Variants in GRID2IP observed in about 807,000 individuals in gnomAD.
GRID2IP encodes the protein delphilin.
GRID2IP carries 78 observed loss-of-function variants against 114.3 expected under a neutral mutation model. The observed-to-expected ratio is 0.68, with a 90% CI of 0.57 to 0.82. The LOEUF is 0.82. GRID2IP is among the 40% of genes least tolerant of loss of function. The pLI is 0.00. For synonymous variants in GRID2IP, 809 were observed against 724.0 expected (o/e 1.12, Z -1.89); for missense variants, 1,727 against 1,678.5 (o/e 1.03, Z -0.51).
intron 8 of GRID2IP, among the ~76,000 whole-genome samples, chr7:6,512,556 G>T (rs1779197404): frequency 6.6e-6 from 1 of 151,562 alleles, no homozygotes; most frequent in South Asian, 2.1e-4. Flanking sequence ...TGTTGCCCAG[G>T]TTGGAGTGTA....
At chr7:6,527,719 C>T (rs1779541771) in intron 2 of GRID2IP, among the ~76,000 whole-genome samples, 1 of 152,016 alleles carries the variant, frequency 6.6e-6, no homozygotes, top group Non-Finnish European at 1.5e-5. Flanking sequence ...CTGCCTCAGC[C>T]TCCCTTGTAG....
intron 20 of GRID2IP, among the ~76,000 whole-genome samples, chr7:6,501,233 C>A (rs1365300636): frequency 1.3e-5 from 2 of 152,214 alleles, no homozygotes; most frequent in East Asian, 3.9e-4. Flanking sequence ...TGCCTGTAAT[C>A]CCAGCTACTT....
In GRID2IP at chr7:6,536,681, G is replaced by A; in HGVS notation, c.584+3037C>T. ...CGCTGGCCCATCCCTGGTGGGGAGG[G>A]GCGGGACGGGGGGCTGCCTGTCAAT... is the stretch of plus-strand genomic sequence containing the variant. On this transcript the variant is annotated intron_variant, in intron 2 of 21. Coordinates refer to ENST00000457091, the MANE Select transcript of GRID2IP (RefSeq NM_001145118.2). The surrounding 1 kb of genome is among the most constrained non-coding windows in gnomAD (Gnocchi z 5.3). The A allele has an allele frequency of 1.5e-6, 1 of 650,670 alleles. No individual in the cohort carries two copies. Among genetic ancestry groups the A allele is most frequent in the Non-Finnish European group, 2.8e-6 (1 of 352,640 alleles). The allele number at this position is 650,670 out of a possible 1,614,324, so 40.3% of individuals were successfully genotyped here. A position where few individuals can be genotyped will look rare whatever the true frequency, so the allele number is the denominator to read the frequency against.
rs1779524709 is a variant in GRID2IP at position 6,526,885 on chromosome 7, G to A, written c.585-116C>T. ...CCTAGGCTCTCCCACCTCTTCCTAG[G>A]AGTGGCGGAGGGCTGGGGGGATCGG... is the stretch of plus-strand genomic sequence containing the variant. On this transcript the variant is annotated intron_variant, in intron 2 of 21. Transcript: ENST00000457091. This position sits in a 1 kb window ranked among gnomAD's most constrained non-coding sequence, Gnocchi z 7.6. 3.4e-6 allele frequency: 4 copies of A among 1,181,260 alleles called. No homozygotes were observed. The highest frequency in any genetic ancestry group is 1.6e-5 in the African/African-American group (1 of 61,560). 73.2% of individuals were successfully genotyped at this position (1,181,260 alleles called of 1,614,324 possible).
At position 6,507,110 on chromosome 7, in the gene GRID2IP, G is replaced by A. The variant is rs1403852298; in HGVS notation, c.2544+875C>T. Among the ~76,000 whole-genome samples the A allele has an allele frequency of 6.6e-6, 1 of 152,228 alleles. No homozygotes were observed. On this transcript the variant is annotated intron_variant, in intron 13 of 21. Transcript: ENST00000457091. The surrounding 1 kb of genome is among the most constrained non-coding windows in gnomAD (Gnocchi z 5.3). ...TCACAAGCATGCCTCTGCCCAGTGTGACTACATGTGAGAGTGAGCTATTGA... is the reference window on the plus strand; with the variant it reads ...TCACAAGCATGCCTCTGCCCAGTGTAACTACATGTGAGAGTGAGCTATTGA...
intron 2 of GRID2IP, among the ~76,000 whole-genome samples, chr7:6,529,150 A>T (rs1779569684): frequency 6.6e-6 from 1 of 152,156 alleles, no homozygotes; most frequent in Non-Finnish European, 1.5e-5. Context: ...TTCCAGCAGC[A>T]ACTAGAAAAG....
intron 2 of GRID2IP, chr7:6,531,166 G>A: frequency 2.1e-6 from 1 of 486,344 alleles, no homozygotes; most frequent in South Asian, 3.0e-5. Context: ...CCCAGGAATG[G>A]AGCGAGCGCG....
Position 6,526,206 on chromosome 7 carries a change from A to G in GRID2IP, c.919+18T>C, listed in dbSNP as rs373777330. On this transcript the variant is annotated intron_variant, in intron 4 of 21. Transcript: ENST00000457091. The surrounding 1 kb of genome is among the most constrained non-coding windows in gnomAD (Gnocchi z 7.6). Reference sequence around the variant, plus strand: ...CCTGGGCCTTAGGGACTCTTAGGGCAACCGGCCCACCCCTCACCAGGCAGG... The same window carrying G: ...CCTGGGCCTTAGGGACTCTTAGGGCGACCGGCCCACCCCTCACCAGGCAGG... 1.4e-5 allele frequency: 22 copies of G among 1,549,814 alleles called. No individual in the cohort carries two copies. In the East Asian group the frequency reaches 2.9e-4, roughly 21 times the overall value.
rs940445045 is a variant in GRID2IP at position 6,521,293 on chromosome 7, C to G, written c.1084+136G>C. 7 of 621,236 alleles carry G rather than the reference C, an allele frequency of 1.1e-5. No individual in the cohort carries two copies. The highest frequency in any genetic ancestry group is 1.7e-5 in the Non-Finnish European group (6 of 354,118). 38.5% of individuals were successfully genotyped at this position (621,236 alleles called of 1,614,324 possible). ...GCCTCACTGGGGTTCTATAGCACCA[C>G]TTAGGAGGCAGCCCCGGGGAGGCAA... is the stretch of plus-strand genomic sequence containing the variant. On this transcript the variant is annotated intron_variant, in intron 6 of 21. Coordinates refer to ENST00000457091, the MANE Select transcript of GRID2IP (RefSeq NM_001145118.2). This position sits in a 1 kb window ranked among gnomAD's most constrained non-coding sequence, Gnocchi z 4.1.
chr7:6,540,133 A>G (rs1779791285), intron 1 of GRID2IP, among the ~76,000 whole-genome samples: 1 of 100,374 alleles, frequency 1.0e-5, no homozygotes, highest in African/African-American at 3.9e-5. Flanking sequence ...TTTCTTTTTG[A>G]GACGGAGTTT....
At position 6,521,417 on chromosome 7, in the gene GRID2IP, T is replaced by C; in HGVS notation, c.1084+12A>G. On this transcript the variant is annotated intron_variant, in intron 6 of 21. Coordinates refer to ENST00000457091, the MANE Select transcript of GRID2IP (RefSeq NM_001145118.2). The surrounding 1 kb of genome is among the most constrained non-coding windows in gnomAD (Gnocchi z 4.1). ...GGGGGCCAAGGAAGCCAAGTGTCCA[T>C]GGGGGTCTCACCACTGGCAAATGGG... The C allele has an allele frequency of 6.5e-7, 1 of 1,530,982 alleles. No homozygotes were observed. Among genetic ancestry groups the C allele is most frequent in the African/African-American group, 1.4e-5 (1 of 72,726 alleles). The allele number at this position is 1,530,982 out of a possible 1,614,324, so 94.8% of individuals were successfully genotyped here.
intron 7 of GRID2IP, among the ~76,000 whole-genome samples, chr7:6,517,410 C>A (rs1779330732): frequency 6.6e-6 from 1 of 152,012 alleles, no homozygotes; most frequent in African/African-American, 2.4e-5. Flanking sequence ...AGAGAAAAAC[C>A]CACAGGCCCT....
At chr7:6,540,650 A>G (rs1779802383) in intron 1 of GRID2IP, among the ~76,000 whole-genome samples, 1 of 144,034 alleles carries the variant, frequency 6.9e-6, no homozygotes, top group African/African-American at 2.6e-5. Flanking sequence ...CCTCCCAAGT[A>G]GCTGGGATTA....
intron 1 of GRID2IP, among the ~76,000 whole-genome samples, chr7:6,548,268 G>C (rs1194879160): frequency 6.6e-6 from 1 of 151,854 alleles, no homozygotes; most frequent in Middle Eastern, 3.2e-3. Context: ...CAGGAGAATT[G>C]CTTAAACCCG....
chr7:6,531,185 C>T, intron 2 of GRID2IP: 1 of 482,946 alleles, frequency 2.1e-6, no homozygotes, highest in Non-Finnish European at 3.7e-6. Context: ...CGCCGCGACT[C>T]CACGCACCTC....
Position 6,551,264 on chromosome 7 carries a change from C to A in GRID2IP, c.173G>T (p.Gly58Val). 6.5e-7 allele frequency: 1 copy of A among 1,536,728 alleles called. No homozygotes were observed. The highest frequency in any genetic ancestry group is 8.7e-7 in the Non-Finnish European group (1 of 1,145,846). ...CACGAGGCGCTCGCGGCTCAGACCG[C>A]CCACCGCCAGCCCCTCCACCTCCAG... ...QILEVEGLAV[G>V]GLSRERLVRL... Residue 58 changes from glycine (G) to valine (V), a missense_variant, in exon 1 of 22, where the codon GGC becomes GTC. Gly to Val is a moderately radical substitution (Grantham distance 109, BLOSUM62 -3). Coordinates refer to ENST00000457091, the MANE Select transcript of GRID2IP (RefSeq NM_001145118.2).
rs914974598 is a variant in GRID2IP, at chr7:6,503,527, G to A, written c.2871C>T (p.Pro957=). The change falls in exon 16 of 22, where the codon CCC becomes CCT. Residue 957 remains proline, a synonymous_variant. Coordinates refer to ENST00000457091, the MANE Select transcript of GRID2IP (RefSeq NM_001145118.2). ...EQRYQAFREA[P]GRLSEPDQFV... ...ACTGGTCCGGCTCGCTGAGGCGGCC[G>A]GGCGCCTCGCGGAAGGCCTGGTAGC... 6.6e-7 allele frequency: 1 copy of A among 1,526,072 alleles called. No individual in the cohort carries two copies. The allele number at this position is 1,526,072 out of a possible 1,614,324, so 94.5% of individuals were successfully genotyped here. A position where few individuals can be genotyped will look rare whatever the true frequency, so the allele number is the denominator to read the frequency against.
At chr7:6,531,981 C>T (rs1162521210) in intron 2 of GRID2IP, among the ~76,000 whole-genome samples, 1 of 152,042 alleles carries the variant, frequency 6.6e-6, no homozygotes, top group East Asian at 1.9e-4. Flanking sequence ...GGGGAGGGAG[C>T]GAGTAGAGGG....
chr7:6,497,721 C>T lies in GRID2IP; in HGVS notation c.*53G>A, dbSNP rs1197524438. 2 of 1,395,738 alleles carry T rather than the reference C, an allele frequency of 1.4e-6. No homozygotes were observed. The highest frequency in any genetic ancestry group is 1.4e-5 in the African/African-American group (1 of 69,880). The allele number at this position is 1,395,738 out of a possible 1,614,324, so 86.5% of individuals were successfully genotyped here. On this transcript the variant is annotated 3_prime_UTR_variant, in exon 22 of 22. Transcript: ENST00000457091. ...GGACCTCGGCAGTGTCTGGGCTGCCCTCTCGGCCTCCATCTCCCTGCTCAG... is the reference window on the plus strand; with the variant it reads ...GGACCTCGGCAGTGTCTGGGCTGCCTTCTCGGCCTCCATCTCCCTGCTCAG...
Sources: allele counts gnomAD v4.1 joint callset (sites outside exome capture counted in the v4.1 genomes callset), GRCh38; gene constraint gnomAD v4.1.1; non-coding constraint Gnocchi (gnomAD v3.1); transcripts MANE v1.5; gene names NCBI Gene and HGNC (gene_info 2026-07-23, HGNC 2026-07-21).